DOK6: variants seen among roughly 807,000 people sequenced by gnomAD.
DOK6 encodes downstream of tyrosine kinase 6.
In DOK6, 22 loss-of-function variants were observed where a neutral mutation model predicts 44.0. The ratio of observed to expected loss-of-function variants is 0.50; its 90% confidence interval spans 0.36 to 0.71. The LOEUF (loss-of-function observed/expected upper bound fraction) is 0.71, where lower values mean the gene tolerates loss of function less well. Among genes scored for constraint, DOK6 ranks in the 30% least tolerant of loss-of-function variants. The pLI is 0.00. For missense variants in DOK6, 340 were observed against 416.4 expected (o/e 0.82, Z 1.60); for synonymous variants, 166 against 145.5 (o/e 1.14, Z -1.01).
At chr18:69,521,186 A>G (rs970482911) in intron 1 of DOK6, among the ~76,000 whole-genome samples, 40 of 151,894 alleles carry the variant, frequency 2.6e-4, no homozygotes, top group African/African-American at 8.7e-4. Context: ...AACATCTAGC[A>G]TCTCTATGAA....
intron 1 of DOK6, among the ~76,000 whole-genome samples, chr18:69,498,641 CAGTT>C (rs1049095771): frequency 5.3e-5 from 8 of 152,134 alleles, no homozygotes; most frequent in Non-Finnish European, 7.3e-5. Context: ...TAAAAGGTCA[CAGTT>C]AGCCTATATT....
At chr18:69,536,872 G>T (rs893293012) in intron 1 of DOK6, among the ~76,000 whole-genome samples, 7 of 151,896 alleles carry the variant, frequency 4.6e-5, no homozygotes, top group African/African-American at 1.7e-4. Flanking sequence ...GCTGGTTAGT[G>T]ACTGAAAGAA....
At chr18:69,819,825 T>C (rs1458515633) in intron 7 of DOK6, among the ~76,000 whole-genome samples, 2 of 152,198 alleles carry the variant, frequency 1.3e-5, no homozygotes, top group Non-Finnish European at 2.9e-5. Context: ...TTCATTTGTG[T>C]TGTAGCACAG....
At chr18:69,505,113 C>G (rs1428268311) in intron 1 of DOK6, among the ~76,000 whole-genome samples, 1 of 152,180 alleles carries the variant, frequency 6.6e-6, no homozygotes, top group Non-Finnish European at 1.5e-5. Context: ...ACAGTCACAT[C>G]CCGTCATGCA....
intron 2 of DOK6, among the ~76,000 whole-genome samples, chr18:69,585,622 CT>C (rs562119553): frequency 1.3e-4 from 20 of 151,944 alleles, no homozygotes; most frequent in Non-Finnish European, 2.6e-4. Context: ...TATAATGTGT[CT>C]TTTTTTTCAC....
chr18:69,585,163 G>C, intron 2 of DOK6, among the ~76,000 whole-genome samples: 1 of 151,626 alleles, frequency 6.6e-6, no homozygotes, highest in East Asian at 1.9e-4. Context: ...TATTTTTAAA[G>C]CTACATGTTT....
At chr18:69,684,554 C>G (rs1238970113) in intron 4 of DOK6, among the ~76,000 whole-genome samples, 1 of 152,090 alleles carries the variant, frequency 6.6e-6, no homozygotes, top group Non-Finnish European at 1.5e-5. Context: ...TTACTGCTCC[C>G]AGGTATGTGC....
At chr18:69,421,483 C>T (rs1978490672) in intron 1 of DOK6, among the ~76,000 whole-genome samples, 2 of 152,240 alleles carry the variant, frequency 1.3e-5, no homozygotes, top group African/African-American at 2.4e-5. Flanking sequence ...GGCCAACTCC[C>T]ATAGGGTTAT....
At chr18:69,546,202 G>C (rs2144584635) in intron 1 of DOK6, among the ~76,000 whole-genome samples, 1 of 148,158 alleles carries the variant, frequency 6.7e-6, no homozygotes, top group African/African-American at 2.5e-5. Flanking sequence ...GCTTGAACCT[G>C]GGAGGTCGAG....
chr18:69,750,874 A>C lies in DOK6; in HGVS notation c.739-6882A>C, dbSNP rs541786525. ...GATTAAAAATGTGGAACACATACGCAGTGGAATAGTATTGAGCCTTAAAAA... is the reference window on the plus strand; with the variant it reads ...GATTAAAAATGTGGAACACATACGCCGTGGAATAGTATTGAGCCTTAAAAA... On this transcript the variant is annotated intron_variant, in intron 6 of 7. Coordinates refer to ENST00000382713, the MANE Select transcript of DOK6 (RefSeq NM_152721.6). 9.8e-5 allele frequency among the ~76,000 whole-genome samples: 15 copies of C among 152,348 alleles called. No individual in the cohort carries two copies. The East Asian group carries it at 2.9e-3, about 29-fold the overall frequency.
chr18:69,607,533 A>G (rs1984031872), intron 3 of DOK6, among the ~76,000 whole-genome samples: 1 of 152,106 alleles, frequency 6.6e-6, no homozygotes, highest in Non-Finnish European at 1.5e-5. Flanking sequence ...TTCTTCCAAA[A>G]CACAATATTA....
chr18:69,596,597 G>C (rs1479344037), intron 2 of DOK6, among the ~76,000 whole-genome samples: 1 of 118,712 alleles, frequency 8.4e-6, no homozygotes, highest in Non-Finnish European at 1.8e-5. Flanking sequence ...AGTGCTTAAA[G>C]GGGGAAAAAA....
At chr18:69,424,680 C>T (rs1978589010) in intron 1 of DOK6, among the ~76,000 whole-genome samples, 1 of 152,134 alleles carries the variant, frequency 6.6e-6, no homozygotes, top group African/African-American at 2.4e-5. Context: ...CATAAAGCTA[C>T]TATCTTCTAG....
Position 69,739,003 on chromosome 18 carries a change from CAAGGG to C in DOK6, c.643_647del (p.Glu215ArgfsTer16). 6.2e-7 allele frequency: 1 copy of C among 1,614,006 alleles called. No individual in the cohort carries two copies. On this transcript the variant is annotated frameshift_variant, in exon 6 of 8. Transcript: ENST00000382713. LOFTEE classifies it high-confidence loss of function. The stretch of plus-strand genomic sequence containing the variant: ...GGAGAAGGACTATTCACTTTTCAAA[CAAGGG>C]AAGGAGAAATGATCTATCAGAAGGT...
At chr18:69,784,215 C>G (rs988544162) in intron 7 of DOK6, among the ~76,000 whole-genome samples, 1 of 151,900 alleles carries the variant, frequency 6.6e-6, no homozygotes. Context: ...AATTTTCCAC[C>G]CTTTTGTTAA....
At chr18:69,415,255 A>G (rs1388882944) in intron 1 of DOK6, among the ~76,000 whole-genome samples, 2 of 152,128 alleles carry the variant, frequency 1.3e-5, no homozygotes, top group African/African-American at 4.8e-5. Context: ...TGAGTCTTCC[A>G]ATGTATGTAA....
chr18:69,430,076 A>G (rs1027552391), intron 1 of DOK6, among the ~76,000 whole-genome samples: 4 of 152,144 alleles, frequency 2.6e-5, no homozygotes, highest in Non-Finnish European at 4.4e-5. Flanking sequence ...AAAACTCTTA[A>G]TTATCAAAAA....
chr18:69,414,267 A>G (rs568030754), intron 1 of DOK6, among the ~76,000 whole-genome samples: 1 of 152,090 alleles, frequency 6.6e-6, no homozygotes, highest in Non-Finnish European at 1.5e-5. Flanking sequence ...AACTTCTCAC[A>G]TACAAACCTA....
At chr18:69,628,608 G>T (rs1466438898) in intron 3 of DOK6, among the ~76,000 whole-genome samples, 1 of 152,142 alleles carries the variant, frequency 6.6e-6, no homozygotes, top group Non-Finnish European at 1.5e-5. Flanking sequence ...CTCCAGGAGG[G>T]ATATGGTATG....
Sources: gnomAD v4.1 joint callset for allele counts (sites outside exome capture counted in the v4.1 genomes callset) on GRCh38, gnomAD v4.1.1 for gene constraint, MANE v1.5 for transcripts, NCBI Gene and HGNC (gene_info 2026-07-23, HGNC 2026-07-21) for gene names.